MAN2B2: variants seen among roughly 807,000 people sequenced by gnomAD.
MAN2B2 encodes the protein epididymis-specific alpha-mannosidase.
MAN2B2 carries 106 observed loss-of-function variants against 117.1 expected under a neutral mutation model. The observed-to-expected ratio is 0.90, with a 90% confidence interval of 0.77 to 1.06. The LOEUF is 1.06. MAN2B2 is among the 50% of genes least tolerant of loss of function. The pLI, the probability that MAN2B2 is intolerant of heterozygous loss-of-function variation, is 0.00. For missense variants in MAN2B2, 1,326 were observed against 1,381.4 expected, an observed-to-expected ratio of 0.96 and a Z score of 0.64; for synonymous variants, 544 against 595.1, an observed-to-expected ratio of 0.91 and a Z score of 1.25.
intron 5 of MAN2B2, among the ~76,000 whole-genome samples, chr4:6,592,515 G>A (rs1459180010): frequency 3.3e-5 from 5 of 152,202 alleles, no homozygotes; most frequent in African/African-American, 1.2e-4. Flanking sequence ...AGGCTGAGGC[G>A]ATGGCTTGAG....
chr4:6,593,412 G>A, intron 6 of MAN2B2, 62 bp downstream of exon 6: 2 of 1,512,226 alleles, frequency 1.3e-6, no homozygotes, highest in Non-Finnish European at 1.8e-6. Flanking sequence ...TGCAAGCCCT[G>A]GTCCCTGCAC....
At chr4:6,575,446 G>A (rs1022515731) in intron 1 of MAN2B2, 98 bp downstream of exon 1, 14 of 925,748 alleles carry the variant, frequency 1.5e-5, no homozygotes, top group Non-Finnish European at 1.8e-5. Context: ...CGATGCCGGC[G>A]CAGAAGGAGG....
At chr4:6,582,467 T>C (rs1335492297) in intron 3 of MAN2B2, among the ~76,000 whole-genome samples, 1 of 152,056 alleles carries the variant, frequency 6.6e-6, no homozygotes, top group Non-Finnish European at 1.5e-5. Context: ...GCATCCTGAG[T>C]AGCTGGGAGT....
intron 16 of MAN2B2, among the ~76,000 whole-genome samples, chr4:6,617,160 C>T (rs953956889): frequency 6.6e-6 from 1 of 152,128 alleles, no homozygotes; most frequent in African/African-American, 2.4e-5. Context: ...AAAGACTCAC[C>T]CCCATGATTC....
chr4:6,609,626 C>G (rs1292235523), intron 12 of MAN2B2, 172 bp from the exon 13 acceptor site: 1 of 819,604 alleles, frequency 1.2e-6, no homozygotes, highest in African/African-American at 1.7e-5. Context: ...CCAGGCTGCT[C>G]CCAGCCGCTC....
Position 6,610,999 on chromosome 4 carries a change from C to T in MAN2B2, c.2370+9C>T, listed in dbSNP as rs995215209. 1 of 1,613,862 alleles carries T rather than the reference C, an allele frequency of 6.2e-7. No individual in the cohort carries two copies. Among genetic ancestry groups the T allele is most frequent in the African/African-American group, 1.3e-5 (1 of 74,924 alleles). On this transcript the variant is annotated intron_variant, in intron 14 of 18. Transcript: ENST00000285599. ...GGAATGGGCAGGTGGAGGTAGGAGGCACGGTCTGTCCTACAGCAGCCCCTC... is the reference window on the plus strand; with the variant it reads ...GGAATGGGCAGGTGGAGGTAGGAGGTACGGTCTGTCCTACAGCAGCCCCTC...
chr4:6,596,153 G>A (rs749709881), intron 7 of MAN2B2, among the ~76,000 whole-genome samples: 3 of 151,746 alleles, frequency 2.0e-5, no homozygotes, highest in Non-Finnish European at 4.4e-5. Flanking sequence ...GTATCCAGGT[G>A]GGCGTGGTAT....
chr4:6,609,855 G>T lies in MAN2B2; in HGVS notation c.2064G>T (p.Pro688=), dbSNP rs372655033. The T allele has an allele frequency of 1.2e-6, 2 of 1,613,942 alleles. No homozygotes were observed. Among genetic ancestry groups the T allele is most frequent in the Non-Finnish European group, 1.7e-6 (2 of 1,180,044 alleles). ...YAIRSRLTHV[P]QGHDGELLCH... ...TCCGCTCCCGGCTCACCCATGTGCC[G>T]CAGGGCCATGACGGGGAGCTGCTCT... Residue 688 remains proline (P), a synonymous_variant, in exon 13 of 19, where the codon CCG becomes CCT. Transcript: ENST00000285599.
intron 1 of MAN2B2, 82 bp downstream of exon 1, chr4:6,575,430 G>A: frequency 9.1e-7 from 1 of 1,102,906 alleles, no homozygotes; most frequent in Non-Finnish European, 1.2e-6. Flanking sequence ...TTTGCGTCCC[G>A]GGGCCCGATG....
intron 2 of MAN2B2, among the ~76,000 whole-genome samples, chr4:6,577,293 C>T (rs1004738348): frequency 2.6e-5 from 4 of 152,140 alleles, no homozygotes; most frequent in African/African-American, 7.2e-5. Context: ...CGGGGGTGAC[C>T]GCCCCATTGC....
At chr4:6,599,129 C>T (rs1727222423) in intron 9 of MAN2B2, among the ~76,000 whole-genome samples, 1 of 152,208 alleles carries the variant, frequency 6.6e-6, no homozygotes, top group Admixed American at 6.5e-5. Context: ...CAGGGTCTCG[C>T]TGTGTCACCT....
intron 9 of MAN2B2, among the ~76,000 whole-genome samples, chr4:6,598,999 T>C (rs1405984418): frequency 6.6e-6 from 1 of 152,252 alleles, no homozygotes; most frequent in Non-Finnish European, 1.5e-5. Flanking sequence ...CCTGGACAAA[T>C]GAAGACAGGT....
chr4:6,582,377 C>T (rs1726462724), intron 3 of MAN2B2, among the ~76,000 whole-genome samples: 1 of 152,174 alleles, frequency 6.6e-6, no homozygotes, highest in African/African-American at 2.4e-5. Flanking sequence ...CTCACTCTGT[C>T]ACTCAGGCTG....
intron 15 of MAN2B2, among the ~76,000 whole-genome samples, chr4:6,613,866 C>T (rs545878565): frequency 3.9e-4 from 60 of 152,026 alleles, no homozygotes; most frequent in Non-Finnish European, 5.6e-4. Context: ...AGGAAAAAAA[C>T]GAAGGAAGAA....
rs1322580324 is a variant in MAN2B2 at position 6,589,037 on chromosome 4, G to T, written c.565-8G>T. ...CCCTCCAGCCTCATTCTTCTCCTCG[G>T]TTTGCAGGGGCTGCAGTTCGTGTGG... On this transcript the variant is annotated splice_region_variant and splice_polypyrimidine_tract_variant and intron_variant, in intron 4 of 18. Transcript: ENST00000285599. 6.2e-7 allele frequency: 1 copy of T among 1,611,590 alleles called. No homozygotes were observed. The highest frequency in any genetic ancestry group is 1.3e-5 in the African/African-American group (1 of 74,966).
chr4:6,579,247 TCACCACCATCACCACCACCACCATCAC>T, intron 3 of MAN2B2, among the ~76,000 whole-genome samples: 1 of 5,138 alleles, frequency 1.9e-4, no homozygotes, highest in Non-Finnish European at 4.3e-4. Context: ...CCACCACCCT[TCACCACCATCACCACCACCACCATCAC>T]CACCACCATC....
chr4:6,616,437 C>T (rs374722061), intron 16 of MAN2B2, among the ~76,000 whole-genome samples: 30 of 152,272 alleles, frequency 2.0e-4, no homozygotes, highest in East Asian at 1.9e-3. Flanking sequence ...CGAATGCCCA[C>T]GGTCTTAACA....
chr4:6,616,843 C>T (rs1289933531), intron 16 of MAN2B2, among the ~76,000 whole-genome samples: 1 of 152,162 alleles, frequency 6.6e-6, no homozygotes, highest in Non-Finnish European at 1.5e-5. Context: ...ACGTGACTGC[C>T]CCTCTCTGAG....
At chr4:6,590,099 CA>C (rs1367843525) in intron 5 of MAN2B2, among the ~76,000 whole-genome samples, 2 of 151,196 alleles carry the variant, frequency 1.3e-5, no homozygotes, top group African/African-American at 4.9e-5. Context: ...AGGCCGGGCA[CA>C]GTAGCTCATG....
Sources: allele counts gnomAD v4.1 joint callset (sites outside exome capture counted in the v4.1 genomes callset), GRCh38; gene constraint gnomAD v4.1.1; transcripts MANE v1.5; gene names NCBI Gene and HGNC (gene_info 2026-07-23, HGNC 2026-07-21).